GRM6: variants seen among roughly 807,000 people sequenced by gnomAD.
GRM6 encodes the protein metabotropic glutamate receptor 6.
In GRM6, 73 loss-of-function variants were observed where a neutral mutation model predicts 78.4. That is an observed-to-expected ratio of 0.93 (90% CI 0.77 to 1.13). The LOEUF is 1.13. GRM6 is among the 50% of genes most tolerant of loss of function. GRM6 has a pLI of 0.00. For synonymous variants in GRM6, 580 were observed against 555.0 expected (o/e 1.05, Z -0.63); for missense variants, 1,251 against 1,256.4 (o/e 1.00, Z 0.07).
chr5:178,987,413 G>A (rs1027028474), intron 7 of GRM6: 9 of 459,106 alleles, frequency 2.0e-5, no homozygotes, highest in African/African-American at 1.0e-4. Context: ...CAACCCGAGC[G>A]TCCACTGACA....
In GRM6 at chr5:178,992,542, C is replaced by G; in HGVS notation, c.505-459G>C. 1 of 316,810 alleles carries G rather than the reference C, an allele frequency of 3.2e-6. No individual in the cohort carries two copies. Among genetic ancestry groups the G allele is most frequent in the Non-Finnish European group, 6.3e-6 (1 of 158,614 alleles). 19.6% of individuals were successfully genotyped at this position (316,810 alleles called of 1,614,324 possible). Reference sequence around the variant, plus strand: ...GGGATTAGGGCAGACAGGGGAGCAGCAGGGGATGTTCCATTTAAAGCTGTG... The same window carrying G: ...GGGATTAGGGCAGACAGGGGAGCAGGAGGGGATGTTCCATTTAAAGCTGTG... On this transcript the variant is annotated intron_variant, in intron 2 of 10. Transcript: ENST00000517717. The surrounding 1 kb of genome is among the most constrained non-coding windows in gnomAD (Gnocchi z 4.9).
At chr5:178,982,146 A>G (rs1760406966) in intron 10 of GRM6, among the ~76,000 whole-genome samples, 1 of 152,234 alleles carries the variant, frequency 6.6e-6, no homozygotes, top group Non-Finnish European at 1.5e-5. Context: ...TCAAATACAT[A>G]CAAATGAATA....
At chr5:178,987,076 G>T in intron 7 of GRM6, 93 bp from the exon 8 acceptor site, 1 of 1,303,426 alleles carries the variant, frequency 7.7e-7, no homozygotes, top group Non-Finnish European at 1.1e-6. Context: ...GAAAGGAGGA[G>T]CTTAACAAGC....
rs375581430 is a variant in GRM6, at chr5:178,986,760, C to T, written c.1501-7G>A. 8.1e-5 allele frequency: 131 copies of T among 1,608,872 alleles called. No homozygotes were observed. The highest frequency in any genetic ancestry group is 3.5e-4 in the South Asian group (32 of 91,044). On this transcript the variant is annotated splice_polypyrimidine_tract_variant and splice_region_variant and intron_variant, in intron 8 of 10. Transcript: ENST00000517717. ...ACCACTGCAGGGCCTCCACCTGGGACGCACAAAACACAGGCTGGGGCGTCT... is the reference window on the plus strand; with the variant it reads ...ACCACTGCAGGGCCTCCACCTGGGATGCACAAAACACAGGCTGGGGCGTCT...
At chr5:178,985,479 G>T (rs546892271) in intron 9 of GRM6, 16 of 340,350 alleles carry the variant, frequency 4.7e-5, no homozygotes, top group Non-Finnish European at 8.0e-5. Flanking sequence ...CGAGGTGGGC[G>T]GATCACGAGG....
At chr5:178,990,433 G>T (rs1201282159) in intron 5 of GRM6, among the ~76,000 whole-genome samples, 159 bp downstream of exon 5, 1 of 152,256 alleles carries the variant, frequency 6.6e-6, no homozygotes, top group African/African-American at 2.4e-5. Context: ...AGCGCTGCTT[G>T]GAGGGACGCG....
intron 9 of GRM6, chr5:178,985,496 G>A (rs1042009799): frequency 1.9e-4 from 64 of 344,248 alleles, no homozygotes; most frequent in East Asian, 4.9e-4. Flanking sequence ...GAGGTCAGGA[G>A]ATCGAGACCA....
chr5:178,988,791 G>T lies in GRM6; in HGVS notation c.1354+144C>A. ...AATTGGGGACCGGAACTTGTCTCAT[G>T]TCTTTGGCACTCAGCCCCAGGCACC... On this transcript the variant is annotated intron_variant, in intron 7 of 10. Transcript: ENST00000517717. The surrounding 1 kb of genome is among the most constrained non-coding windows in gnomAD (Gnocchi z 6.0). The T allele has an allele frequency of 1.5e-6, 1 of 670,772 alleles. No individual in the cohort carries two copies. The highest frequency in any genetic ancestry group is 1.8e-5 in the South Asian group (1 of 56,498). The allele number at this position is 670,772 out of a possible 1,614,324, so 41.6% of individuals were successfully genotyped here. A position where few individuals can be genotyped will look rare whatever the true frequency, so the allele number is the denominator to read the frequency against.
chr5:178,985,514 T>C (rs926969468), intron 9 of GRM6: 136 of 339,790 alleles, frequency 4.0e-4, no homozygotes, highest in East Asian at 7.5e-4. Flanking sequence ...CCATCCTGGC[T>C]AACACGGTGA....
rs906912941 is a variant in GRM6, at chr5:178,992,527, C to A, written c.505-444G>T. ...CAGGCAGCCCTAGGAGGGATTAGGG[C>A]AGACAGGGGAGCAGCAGGGGATGTT... On this transcript the variant is annotated intron_variant, in intron 2 of 10. Transcript: ENST00000517717. This position sits in a 1 kb window ranked among gnomAD's most constrained non-coding sequence, Gnocchi z 4.9. The A allele has an allele frequency of 3.1e-6, 1 of 326,858 alleles. No individual in the cohort carries two copies. Among genetic ancestry groups the A allele is most frequent in the East Asian group, 7.9e-5 (1 of 12,656 alleles). The allele number at this position is 326,858 out of a possible 1,614,324, so 20.2% of individuals were successfully genotyped here.
In GRM6 at chr5:178,981,508, T is replaced by C. The variant is rs1429511318; in HGVS notation, c.*149A>G. 1.6e-6 allele frequency: 1 copy of C among 635,950 alleles called. No homozygotes were observed. Among genetic ancestry groups the C allele is most frequent in the Non-Finnish European group, 2.8e-6 (1 of 360,994 alleles). 39.4% of individuals were successfully genotyped at this position (635,950 alleles called of 1,614,324 possible). ...GGGTAGAGCTGGGTCCAGTTCCTTC[T>C]CAAGGCCAGCCCCACCGACGCGGAG... On this transcript the variant is annotated 3_prime_UTR_variant, in exon 11 of 11. Coordinates refer to ENST00000517717, the MANE Select transcript of GRM6 (RefSeq NM_000843.4). This position sits in a 1 kb window ranked among gnomAD's most constrained non-coding sequence, Gnocchi z 5.1.
Position 178,994,854 on chromosome 5 carries a change from C to G in GRM6, c.91G>C (p.Gly31Arg). ...AGGCCGCCCGCCAGGCGCACAGAGC[C>G]CGCCGCGCGCGCCAGGCCCGCCTGC... ...LAQAGLARAA[G>R]SVRLAGGLTL... is the part of the protein sequence containing the mutation. Residue 31 changes from glycine to arginine, a missense_variant, in exon 2 of 11, where the codon GGC (glycine) becomes CGC (arginine). By Grantham distance (125) the Gly-to-Arg change is moderately radical (BLOSUM62 -2). Coordinates refer to ENST00000517717, the MANE Select transcript of GRM6 (RefSeq NM_000843.4). 9 of 1,211,256 alleles carry G rather than the reference C, an allele frequency of 7.4e-6. No homozygotes were observed. The highest frequency in any genetic ancestry group is 9.2e-6 in the Non-Finnish European group (9 of 974,308). The allele number at this position is 1,211,256 out of a possible 1,614,324, so 75.0% of individuals were successfully genotyped here. A position where few individuals can be genotyped will look rare whatever the true frequency, so the allele number is the denominator to read the frequency against.
In GRM6 at chr5:178,983,190, C is replaced by T. The variant is rs757357397; in HGVS notation, c.2156G>A (p.Arg719Gln). Residue 719 changes from arginine to glutamine, a missense_variant, in exon 10 of 11, where the codon CGG (arginine) becomes CAG (glutamine). Arg to Gln is a conservative substitution (Grantham distance 43). Transcript: ENST00000517717. ...VVGMIAWLGA[R>Q]PPHSVIDYEE... ...ATAGTCAATCACGCTGTGTGGGGGC[C>T]GGGCCCCCAGCCATGCTATCATCCC... 2.5e-5 allele frequency: 41 copies of T among 1,612,864 alleles called. No homozygotes were observed. The highest frequency in any genetic ancestry group is 1.6e-4 in the African/African-American group (12 of 74,932).
rs1760358643 is a variant in GRM6, at chr5:178,979,941, A to G, written c.*1716T>C. 1 of 154,484 alleles carries G rather than the reference A, an allele frequency of 6.5e-6. No individual in the cohort carries two copies. The highest frequency in any genetic ancestry group is 2.4e-5 in the African/African-American group (1 of 41,536). 9.6% of individuals were successfully genotyped at this position (154,484 alleles called of 1,614,324 possible). A position where few individuals can be genotyped will look rare whatever the true frequency, so the allele number is the denominator to read the frequency against. ...GAGAGCTGCACAGGAGAGAAACCCT[A>G]TGGAATAAATAATTCTGGAAAGCAT... On this transcript the variant is annotated 3_prime_UTR_variant, in exon 11 of 11. Coordinates refer to ENST00000517717, the MANE Select transcript of GRM6 (RefSeq NM_000843.4).
At chr5:178,989,946 G>A (rs1760642235) in intron 5 of GRM6, 1 of 208,594 alleles carries the variant, frequency 4.8e-6, no homozygotes. Context: ...GTGATGAGAT[G>A]CCTTTATCGC....
In GRM6 at chr5:178,991,951, A is replaced by G; in HGVS notation, c.637T>C (p.Trp213Arg). The G allele has an allele frequency of 1.2e-6, 2 of 1,614,142 alleles. No individual in the cohort carries two copies. The highest frequency in any genetic ancestry group is 1.7e-6 in the Non-Finnish European group (2 of 1,180,030). Residue 213 changes from tryptophan to arginine, a missense_variant, in exon 3 of 11, where the codon TGG (tryptophan) becomes CGG (arginine). Coordinates refer to ENST00000517717, the MANE Select transcript of GRM6 (RefSeq NM_000843.4). This position sits in a 1 kb window ranked among gnomAD's most constrained non-coding sequence, Gnocchi z 5.0. Reference sequence around the variant, plus strand: ...GAGGCCAGCGTGGACACATAGTTCCATCCCAGTGCCCTCACGATGTCCACC... The same window carrying G: ...GAGGCCAGCGTGGACACATAGTTCCGTCCCAGTGCCCTCACGATGTCCACC... Reference protein sequence around the residue: ...AMVDIVRALGWNYVSTLASEG... With the variant: ...AMVDIVRALGRNYVSTLASEG...
rs1760355394 is a variant in GRM6, at chr5:178,979,834, A to T, written c.*1823T>A. 6.5e-6 allele frequency: 1 copy of T among 154,122 alleles called. No individual in the cohort carries two copies. The highest frequency in any genetic ancestry group is 2.4e-5 in the African/African-American group (1 of 41,532). The allele number at this position is 154,122 out of a possible 1,614,324, so 9.5% of individuals were successfully genotyped here. On this transcript the variant is annotated 3_prime_UTR_variant, in exon 11 of 11. Coordinates refer to ENST00000517717, the MANE Select transcript of GRM6 (RefSeq NM_000843.4). ...TTGGAGATCAGAGCTCACTGATCTC[A>T]GAGTTCATACAGGAGAAGAGCCCTA...
rs1400921376 is a variant in GRM6 at position 178,992,486 on chromosome 5, G to C, written c.505-403C>G. 6 of 364,124 alleles carry C rather than the reference G, an allele frequency of 1.6e-5. No individual in the cohort carries two copies. The highest frequency in any genetic ancestry group is 3.3e-5 in the Non-Finnish European group (6 of 183,218). The allele number at this position is 364,124 out of a possible 1,614,324, so 22.6% of individuals were successfully genotyped here. On this transcript the variant is annotated intron_variant, in intron 2 of 10. Coordinates refer to ENST00000517717, the MANE Select transcript of GRM6 (RefSeq NM_000843.4). This position sits in a 1 kb window ranked among gnomAD's most constrained non-coding sequence, Gnocchi z 4.9. ...GCACGTTTTCTTGATTCACACCAAGGGGTGGTCCGCAGGGACAGGCAGCCC... is the reference window on the plus strand; with the variant it reads ...GCACGTTTTCTTGATTCACACCAAGCGGTGGTCCGCAGGGACAGGCAGCCC...
At position 178,986,724 on chromosome 5, in the gene GRM6, G is replaced by A; in HGVS notation, c.1530C>T (p.Pro510=). The A allele has an allele frequency of 6.2e-7, 1 of 1,605,288 alleles. No homozygotes were observed. Among genetic ancestry groups the A allele is most frequent in the Non-Finnish European group, 8.5e-7 (1 of 1,179,180 alleles). ...TGCACAGAGACGAGGGCACCTCGTG[G>A]GGGTCGCCAGACCACTGCAGGGCCT... ...DVEALQWSGD[P]HEVPSSLCSL... The change falls in exon 9 of 11, where the codon CCC becomes CCT. Residue 510 remains proline (P), a synonymous_variant. Coordinates refer to ENST00000517717, the MANE Select transcript of GRM6 (RefSeq NM_000843.4).
Sources: gnomAD v4.1 joint callset for allele counts (sites outside exome capture counted in the v4.1 genomes callset) on GRCh38, gnomAD v4.1.1 for gene constraint, Gnocchi (gnomAD v3.1) non-coding constraint, MANE v1.5 for transcripts, NCBI Gene and HGNC (gene_info 2026-07-23, HGNC 2026-07-21) for gene names.